YEATS4: variants seen among roughly 807,000 people sequenced by gnomAD.
The protein encoded by YEATS4 is YEATS domain-containing protein 4.
A neutral mutation model predicts 30.1 loss-of-function variants in YEATS4; 17 were observed. That is an observed-to-expected ratio of 0.56 (90% CI 0.39 to 0.85). The LOEUF is 0.85. YEATS4 is among the 40% of genes least tolerant of loss of function. The pLI is 0.00. For missense variants in YEATS4, 142 were observed against 268.3 expected (o/e 0.53, Z 3.29); for synonymous variants, 85 against 87.5 (o/e 0.97, Z 0.16).
chr12:69,390,354 A>G lies in YEATS4; in HGVS notation c.*38A>G. 6.6e-7 allele frequency: 1 copy of G among 1,506,696 alleles called. No homozygotes were observed. The highest frequency in any genetic ancestry group is 1.4e-5 in the South Asian group (1 of 73,048). 93.3% of individuals were successfully genotyped at this position (1,506,696 alleles called of 1,614,324 possible). A position where few individuals can be genotyped will look rare whatever the true frequency, so the allele number is the denominator to read the frequency against. Reference sequence around the variant, plus strand: ...AGAACTTGGTAGTAAGCTAAACTGAAAATAAGGTGGGCTTCACTGGAGAAA... The same window carrying G: ...AGAACTTGGTAGTAAGCTAAACTGAGAATAAGGTGGGCTTCACTGGAGAAA... On this transcript the variant is annotated 3_prime_UTR_variant, in exon 7 of 7. Coordinates refer to ENST00000247843, the MANE Select transcript of YEATS4 (RefSeq NM_006530.4).
intron 6 of YEATS4, among the ~76,000 whole-genome samples, chr12:69,386,159 A>C (rs537886969): frequency 6.6e-6 from 1 of 152,328 alleles, no homozygotes; most frequent in Non-Finnish European, 1.5e-5. Context: ...GAAGTTTTAA[A>C]ATGTTTTCCC....
At chr12:69,370,422 T>C (rs912157915) in intron 4 of YEATS4, among the ~76,000 whole-genome samples, 6 of 152,228 alleles carry the variant, frequency 3.9e-5, no homozygotes, top group African/African-American at 1.4e-4. Flanking sequence ...TTAATTTCTA[T>C]AGCTTTATCT....
intron 6 of YEATS4, among the ~76,000 whole-genome samples, chr12:69,380,071 T>C (rs1304614689): frequency 6.6e-6 from 1 of 152,242 alleles, no homozygotes; most frequent in Non-Finnish European, 1.5e-5. Flanking sequence ...AGGTCACATA[T>C]CTCTGTTAGA....
At chr12:69,393,731 C>G (rs918928789), downstream of YEATS4, among the ~76,000 whole-genome samples, 1 of 151,918 alleles carries the variant, frequency 6.6e-6, no homozygotes, top group African/African-American at 2.4e-5. Context: ...AGTAGAAATA[C>G]AGATGAAACA....
chr12:69,379,583 ATTTTTTTTTTTTTTTTTTTT>A (rs61048163), intron 6 of YEATS4, among the ~76,000 whole-genome samples: 3 of 72,298 alleles, frequency 4.1e-5, no homozygotes, highest in African/African-American at 5.7e-5. Context: ...TGCCCAGCTA[ATTTTTTTTTTTTTTTTTTTT>A]TTTTTTTTTT....
chr12:69,381,493 C>T (rs1170078260), intron 6 of YEATS4, among the ~76,000 whole-genome samples: 1 of 152,086 alleles, frequency 6.6e-6, no homozygotes, highest in Non-Finnish European at 1.5e-5. Context: ...TCACAGGGTC[C>T]TGAGGTGACA....
chr12:69,403,703 A>G, the YEATS4 span, among the ~76,000 whole-genome samples: 6 of 152,300 alleles, frequency 3.9e-5, no homozygotes, highest in African/African-American at 1.4e-4. Context: ...GAATGTGGCA[A>G]AGGAATTGCA....
the YEATS4 span, among the ~76,000 whole-genome samples, chr12:69,398,433 AT>A: frequency 4.7e-5 from 7 of 149,676 alleles, no homozygotes; most frequent in African/African-American, 1.2e-4. Context: ...GAAAATAAAA[AT>A]TTTAAAAAAA....
At chr12:69,413,970 A>G in the YEATS4 span, among the ~76,000 whole-genome samples, 1 of 152,156 alleles carries the variant, frequency 6.6e-6, no homozygotes, top group Non-Finnish European at 1.5e-5. Flanking sequence ...CCCTTCTAAT[A>G]CAAAAATTTT....
At chr12:69,406,254 A>G in the YEATS4 span, among the ~76,000 whole-genome samples, 1 of 152,326 alleles carries the variant, frequency 6.6e-6, no homozygotes, top group South Asian at 2.1e-4. Context: ...GCGTTAGAGT[A>G]CCTGTTTCTG....
Position 69,359,924 on chromosome 12 carries a change from C to T in YEATS4, c.-49C>T. 1 of 1,609,358 alleles carries T rather than the reference C, an allele frequency of 6.2e-7. No individual in the cohort carries two copies. The highest frequency in any genetic ancestry group is 8.5e-7 in the Non-Finnish European group (1 of 1,177,136). The stretch of plus-strand genomic sequence containing the variant: ...TCTCTGAGGGGAGCGGCGACCCCGC[C>T]AGCCCCGGTCTCTTTCCCTGGCGGC... On this transcript the variant is annotated 5_prime_UTR_variant, in exon 1 of 7. Coordinates refer to ENST00000247843, the MANE Select transcript of YEATS4 (RefSeq NM_006530.4).
chr12:69,411,050 T>C, the YEATS4 span, among the ~76,000 whole-genome samples: 2 of 152,240 alleles, frequency 1.3e-5, no homozygotes, highest in African/African-American at 4.8e-5. Context: ...TGCATAAGCA[T>C]GCAAGTGTGT....
chr12:69,375,106 C>T (rs1268535454), intron 6 of YEATS4, among the ~76,000 whole-genome samples: 14 of 150,596 alleles, frequency 9.3e-5, no homozygotes, highest in African/African-American at 2.7e-4. Context: ...ACTTCCCTGA[C>T]GGGGTGGCTG....
the YEATS4 span, among the ~76,000 whole-genome samples, chr12:69,411,758 A>T: frequency 2.0e-5 from 3 of 152,198 alleles, no homozygotes; most frequent in Non-Finnish European, 2.9e-5. Flanking sequence ...TTTGGGAATA[A>T]TGGTCCAGGC....
At chr12:69,404,797 G>A in the YEATS4 span, among the ~76,000 whole-genome samples, 1 of 152,176 alleles carries the variant, frequency 6.6e-6, no homozygotes, top group African/African-American at 2.4e-5. Flanking sequence ...ACATAGGTGG[G>A]TTCTGTGGCC....
the YEATS4 span, among the ~76,000 whole-genome samples, chr12:69,396,905 A>G: frequency 2.6e-5 from 4 of 152,118 alleles, no homozygotes; most frequent in Admixed American, 1.3e-4. Flanking sequence ...AATTTATACT[A>G]TATACTACTG....
intron 6 of YEATS4, among the ~76,000 whole-genome samples, chr12:69,379,680 G>T (rs1350002314): frequency 7.1e-6 from 1 of 140,756 alleles, no homozygotes; most frequent in Admixed American, 7.9e-5. Flanking sequence ...GGCTCAAGCA[G>T]TCCTCCCTCC....
intron 6 of YEATS4, among the ~76,000 whole-genome samples, chr12:69,378,470 C>G (rs952764930): frequency 6.6e-6 from 1 of 151,874 alleles, no homozygotes; most frequent in African/African-American, 2.4e-5. Flanking sequence ...TTCCTGTTTT[C>G]CTTTTAGTGA....
the YEATS4 span, among the ~76,000 whole-genome samples, chr12:69,419,014 C>CATATATATATAT: frequency 7.0e-6 from 1 of 143,358 alleles, no homozygotes; most frequent in East Asian, 2.0e-4. Flanking sequence ...TAATTTAAGC[C>CATATATATATAT]ATATATATAT....
Sources: gnomAD v4.1 joint callset for allele counts (sites outside exome capture counted in the v4.1 genomes callset) on GRCh38, gnomAD v4.1.1 for gene constraint, MANE v1.5 for transcripts, NCBI Gene and HGNC (gene_info 2026-07-23, HGNC 2026-07-21) for gene names.